The following PTGR1 variants were observed in gnomAD, a reference collection of about 807,000 sequenced individuals.
PTGR1 encodes 15-oxoprostaglandin 13-reductase.
PTGR1 carries 23 observed loss-of-function variants against 37.7 expected under a neutral mutation model. The ratio of observed to expected loss-of-function variants is 0.61; its 90% CI spans 0.44 to 0.86. The LOEUF is 0.86. Among genes scored for constraint, PTGR1 ranks in the 40% least tolerant of loss-of-function variants. PTGR1 has a pLI of 0.00. For synonymous variants in PTGR1, 134 were observed against 140.0 expected, an observed-to-expected ratio of 0.96 and a Z score of 0.30; for missense variants, 351 against 394.3, an observed-to-expected ratio of 0.89 and a Z score of 0.93.
chr9:111,570,208 G>A lies in PTGR1; in HGVS notation c.762C>T (p.Gly254=), dbSNP rs1828748819. The change falls in exon 9 of 10, where the codon GGC becomes GGT. Residue 254 remains glycine (G), a splice_region_variant and synonymous_variant. Coordinates refer to ENST00000407693, the MANE Select transcript of PTGR1 (RefSeq NM_001146108.2). The part of the protein sequence containing the change: ...TYNRTGPLPP[G]PPPEIVIYQE... ...GATAGATAACAATCTCTGGGGGTGG[G>A]CCTGTGAAGAGAAGGGCACATTTGG... 1.9e-6 allele frequency: 3 copies of A among 1,612,608 alleles called. No homozygotes were observed. In the South Asian group the frequency reaches 3.3e-5, roughly 18 times the overall value.
At chr9:111,567,969 T>C (rs1361483493) in intron 9 of PTGR1, among the ~76,000 whole-genome samples, 3 of 152,230 alleles carry the variant, frequency 2.0e-5, no homozygotes, top group Non-Finnish European at 4.4e-5. Context: ...CCTGTTATCT[T>C]TGTAAGCTGA....
intron 9 of PTGR1, among the ~76,000 whole-genome samples, chr9:111,552,548 G>A (rs186115594): frequency 6.6e-6 from 1 of 152,280 alleles, no homozygotes; most frequent in Admixed American, 6.5e-5. Context: ...TAACTTTTCT[G>A]TCTCTAACTG....
chr9:111,550,546 C>T (rs561369179), intron 9 of PTGR1, among the ~76,000 whole-genome samples: 1 of 152,236 alleles, frequency 6.6e-6, no homozygotes, highest in Admixed American at 6.5e-5. Context: ...CAGAATTTCC[C>T]CTAGAAGCTA....
chr9:111,594,017 A>T (rs1829701035), intron 3 of PTGR1, among the ~76,000 whole-genome samples: 1 of 151,480 alleles, frequency 6.6e-6, no homozygotes, highest in African/African-American at 2.4e-5. Context: ...GGTTGGGACA[A>T]AGGGACTGAG....
downstream of PTGR1, among the ~76,000 whole-genome samples, chr9:111,559,491 G>A (rs966728845): frequency 6.6e-6 from 1 of 151,950 alleles, no homozygotes; most frequent in African/African-American, 2.4e-5. Flanking sequence ...ACCCTGCTAT[G>A]ACTCAAGCCA....
At chr9:111,578,696 G>A (rs1829165288) in intron 7 of PTGR1, 100 bp downstream of exon 7, 2 of 1,046,962 alleles carry the variant, frequency 1.9e-6, no homozygotes, top group Non-Finnish European at 2.7e-6. Context: ...GTTCCTGATA[G>A]GCTATGGACC....
At chr9:111,575,643 T>C (rs962300499) in intron 7 of PTGR1, among the ~76,000 whole-genome samples, 1 of 152,244 alleles carries the variant, frequency 6.6e-6, no homozygotes, top group Non-Finnish European at 1.5e-5. Flanking sequence ...AGCAGTTCAA[T>C]AGAGGAAAAA....
At chr9:111,590,362 TAC>T (rs1829573857) in intron 4 of PTGR1, among the ~76,000 whole-genome samples, 1 of 152,100 alleles carries the variant, frequency 6.6e-6, no homozygotes. Flanking sequence ...TGAACATTCA[TAC>T]ATTTTTTTTT....
At chr9:111,590,178 A>G (rs2132429239) in intron 4 of PTGR1, among the ~76,000 whole-genome samples, 1 of 152,352 alleles carries the variant, frequency 6.6e-6, no homozygotes, top group Non-Finnish European at 1.5e-5. Flanking sequence ...AAGGATATAA[A>G]CAGATAATCC....
chr9:111,567,103 T>TG (rs1828594772), intron 9 of PTGR1, among the ~76,000 whole-genome samples: 2 of 148,966 alleles, frequency 1.3e-5, no homozygotes, highest in Non-Finnish European at 3.0e-5. Flanking sequence ...ACAAAAAAAG[T>TG]CGGGGGGCGT....
At chr9:111,573,856 G>GAACCTC (rs1335024718) in intron 8 of PTGR1, among the ~76,000 whole-genome samples, 1 of 152,142 alleles carries the variant, frequency 6.6e-6, no homozygotes, top group East Asian at 1.9e-4. Flanking sequence ...GAGGGATGTG[G>GAACCTC]TTTCAGCATA....
At chr9:111,559,337 G>A (rs753623098), downstream of PTGR1, among the ~76,000 whole-genome samples, 1 of 151,996 alleles carries the variant, frequency 6.6e-6, no homozygotes, top group Non-Finnish European at 1.5e-5. Context: ...TGTGGACTTT[G>A]ACTCCTCACA....
intron 1 of PTGR1, among the ~76,000 whole-genome samples, chr9:111,597,803 A>C (rs1383386226): frequency 6.6e-6 from 1 of 152,218 alleles, no homozygotes; most frequent in African/African-American, 2.4e-5. Context: ...AGTTACCGGA[A>C]GTGCGAATAT....
At chr9:111,576,260 C>A in intron 7 of PTGR1, 4 of 1,138,574 alleles carry the variant, frequency 3.5e-6, no homozygotes, top group South Asian at 1.3e-5. Context: ...TAGAGTTGGT[C>A]CTCATTATTA....
At chr9:111,560,592 GATC>G (rs1564607486), downstream of PTGR1, among the ~76,000 whole-genome samples, 1 of 122,614 alleles carries the variant, frequency 8.2e-6, no homozygotes, top group Non-Finnish European at 1.6e-5. Flanking sequence ...AGTGAGCAGA[GATC>G]ATGCTACTGC....
intron 9 of PTGR1, among the ~76,000 whole-genome samples, chr9:111,566,474 C>T (rs1396155136): frequency 6.6e-6 from 1 of 152,180 alleles, no homozygotes; most frequent in East Asian, 1.9e-4. Flanking sequence ...GGGAAATGAT[C>T]ATTGGCCAGG....
chr9:111,551,299 G>A (rs540240885), intron 9 of PTGR1, among the ~76,000 whole-genome samples: 13 of 151,096 alleles, frequency 8.6e-5, no homozygotes, highest in Non-Finnish European at 1.6e-4. Flanking sequence ...TTTATAAAAC[G>A]TAGAGTTGAT....
intron 4 of PTGR1, among the ~76,000 whole-genome samples, chr9:111,591,497 G>A (rs1466532918): frequency 2.0e-5 from 3 of 149,970 alleles, no homozygotes; most frequent in Admixed American, 1.3e-4. Context: ...AGCCTCCCGA[G>A]TAGCTGGGAT....
chr9:111,561,104 T>TAGAGAG (rs1465441902), downstream of PTGR1, among the ~76,000 whole-genome samples: 7 of 26,384 alleles, frequency 2.7e-4, 1 homozygote, highest in African/African-American at 6.4e-4. Context: ...TATATATATA[T>TAGAGAG]ATATATAGAG....
Sources: gnomAD v4.1 joint callset for allele counts (sites outside exome capture counted in the v4.1 genomes callset) on GRCh38, gnomAD v4.1.1 for gene constraint, MANE v1.5 for transcripts, NCBI Gene and HGNC (gene_info 2026-07-23, HGNC 2026-07-21) for gene names.